PDE4B: variants seen among roughly 807,000 people sequenced by gnomAD.
PDE4B encodes 3',5'-cyclic-AMP phosphodiesterase 4B.
Under a neutral mutation model 82.2 loss-of-function variants are expected in PDE4B, and 20 were observed. That is an observed-to-expected ratio of 0.24 (90% CI 0.17 to 0.35). The LOEUF (loss-of-function observed/expected upper bound fraction) is 0.35, where lower values mean the gene tolerates loss of function less well. PDE4B is among the 10% of genes least tolerant of loss of function. The pLI is 1.00. For missense variants in PDE4B, 655 were observed against 907.2 expected (o/e 0.72, Z 3.57); for synonymous variants, 320 against 318.9 (o/e 1.00, Z -0.04).
At chr1:65,839,350 A>G (rs1282553345) in intron 1 of PDE4B, among the ~76,000 whole-genome samples, 1 of 151,764 alleles carries the variant, frequency 6.6e-6, no homozygotes, top group African/African-American at 2.4e-5. Context: ...TACATGTGCC[A>G]TGGTGGTTTG....
At chr1:65,935,568 C>A (rs1178628189) in intron 3 of PDE4B, among the ~76,000 whole-genome samples, 1 of 152,138 alleles carries the variant, frequency 6.6e-6, no homozygotes, top group East Asian at 1.9e-4. Context: ...AAAAATTAAT[C>A]TGAGCTTACT....
intron 1 of PDE4B, among the ~76,000 whole-genome samples, chr1:65,905,279 A>G (rs1408352602): frequency 1.3e-5 from 2 of 152,152 alleles, no homozygotes. Context: ...AATGACATCA[A>G]AGCTGAAGGC....
At chr1:65,984,344 A>G (rs1368617165) in intron 3 of PDE4B, among the ~76,000 whole-genome samples, 2 of 152,210 alleles carry the variant, frequency 1.3e-5, no homozygotes, top group East Asian at 3.8e-4. Flanking sequence ...ATGTGACTAT[A>G]AAGGTGTAGC....
intron 3 of PDE4B, among the ~76,000 whole-genome samples, chr1:65,966,958 A>C (rs1349145061): frequency 7.7e-4 from 112 of 144,628 alleles, no homozygotes; most frequent in African/African-American, 9.3e-4. Context: ...AGGCAATACC[A>C]TTCAGGACAT....
At chr1:66,113,317 C>T (rs572557572) in intron 3 of PDE4B, among the ~76,000 whole-genome samples, 117 of 152,272 alleles carry the variant, frequency 7.7e-4, no homozygotes, top group Non-Finnish European at 1.5e-3. Context: ...GGAAGGAAAA[C>T]ATCAATTTAC....
intron 3 of PDE4B, among the ~76,000 whole-genome samples, chr1:66,153,450 C>T (rs1646442458): frequency 6.6e-6 from 1 of 152,188 alleles, no homozygotes; most frequent in Non-Finnish European, 1.5e-5. Context: ...TCCCCTCTCC[C>T]TTGTAACCTG....
At chr1:66,208,117 C>T (rs1333932870) in intron 3 of PDE4B, among the ~76,000 whole-genome samples, 1 of 152,132 alleles carries the variant, frequency 6.6e-6, no homozygotes. Context: ...GCTTAAGTTG[C>T]TAATGTTCCA....
intron 8 of PDE4B, among the ~76,000 whole-genome samples, chr1:66,349,065 G>A (rs912700988): frequency 2.0e-5 from 3 of 152,122 alleles, no homozygotes; most frequent in Non-Finnish European, 4.4e-5. Context: ...GGGTTAGATA[G>A]ATAGGAAGAA....
intron 3 of PDE4B, among the ~76,000 whole-genome samples, chr1:65,966,025 A>G (rs886615599): frequency 1.3e-5 from 2 of 152,178 alleles, no homozygotes; most frequent in African/African-American, 4.8e-5. Flanking sequence ...CTTATTCAAC[A>G]TAGTATTGGA....
chr1:66,105,321 C>A lies in PDE4B; in HGVS notation c.282-142139C>A, dbSNP rs1645325061. Among the ~76,000 whole-genome samples, 3 of 151,696 alleles carry A rather than the reference C, an allele frequency of 2.0e-5. No individual in the cohort carries two copies. The South Asian group carries it at 6.3e-4, about 32-fold the overall frequency. ...TATATCTCTGTTTTGGTACCAGTAC[C>A]ATGCTATTTTGGTTACTGTAGCCTT... On this transcript the variant is annotated intron_variant, in intron 3 of 16. Transcript: ENST00000341517.
chr1:66,372,729 C>T lies in PDE4B; in HGVS notation c.*51C>T, dbSNP rs764671951. ...ATTCTATCCTTGATGAGCATGCCAG[C>T]TATGTGGTAGGGCCAGCCCACCATG... On this transcript the variant is annotated 3_prime_UTR_variant, in exon 17 of 17. Transcript: ENST00000341517. 1.3e-6 allele frequency: 2 copies of T among 1,564,656 alleles called. No individual in the cohort carries two copies. The highest frequency in any genetic ancestry group is 1.7e-6 in the Non-Finnish European group (2 of 1,152,800).
At chr1:66,332,709 G>A (rs1405533539) in intron 8 of PDE4B, 89 bp downstream of exon 8, 1 of 982,478 alleles carries the variant, frequency 1.0e-6, no homozygotes, top group Admixed American at 2.4e-5. Context: ...GTGCACCAGG[G>A]AATGCTACCA....
intron 8 of PDE4B, among the ~76,000 whole-genome samples, chr1:66,346,437 A>G (rs757245603): frequency 2.6e-5 from 4 of 152,190 alleles, no homozygotes; most frequent in Non-Finnish European, 5.9e-5. Flanking sequence ...ATTTCTCCAA[A>G]TAGACTCTTT....
At chr1:66,170,408 G>A (rs549121927) in intron 3 of PDE4B, among the ~76,000 whole-genome samples, 2 of 152,276 alleles carry the variant, frequency 1.3e-5, no homozygotes, top group African/African-American at 2.4e-5. Flanking sequence ...GGAGTAGCTT[G>A]TGAATTGAGT....
At chr1:65,963,439 A>T (rs1273282595) in intron 3 of PDE4B, among the ~76,000 whole-genome samples, 8 of 152,172 alleles carry the variant, frequency 5.3e-5, no homozygotes, top group African/African-American at 1.9e-4. Flanking sequence ...GGTGTCCCTC[A>T]TTGCACCCCT....
chr1:66,222,933 A>G (rs1321097664), intron 3 of PDE4B, among the ~76,000 whole-genome samples: 1 of 152,218 alleles, frequency 6.6e-6, no homozygotes, highest in Non-Finnish European at 1.5e-5. Context: ...AATAAAGTAA[A>G]TGAATAATAA....
At chr1:65,979,570 G>T (rs1650580346) in intron 3 of PDE4B, among the ~76,000 whole-genome samples, 1 of 152,166 alleles carries the variant, frequency 6.6e-6, no homozygotes, top group South Asian at 2.1e-4. Flanking sequence ...TCAAGGCAAG[G>T]CTTAATCTTG....
intron 3 of PDE4B, among the ~76,000 whole-genome samples, chr1:66,241,009 T>A (rs887438560): frequency 6.6e-6 from 1 of 152,156 alleles, no homozygotes; most frequent in African/African-American, 2.4e-5. Context: ...AGCCTTTCTG[T>A]GGAGAAAGCA....
At chr1:66,321,095 T>G (rs975461463) in intron 7 of PDE4B, among the ~76,000 whole-genome samples, 1 of 152,186 alleles carries the variant, frequency 6.6e-6, no homozygotes. Context: ...TGGTTAGAAT[T>G]TGGCCTCCCA....
Sources: allele counts gnomAD v4.1 joint callset (sites outside exome capture counted in the v4.1 genomes callset), GRCh38; gene constraint gnomAD v4.1.1; transcripts MANE v1.5; gene names NCBI Gene and HGNC (gene_info 2026-07-23, HGNC 2026-07-21).